Variants in NBPF9 observed in about 807,000 individuals in gnomAD.
NBPF9 encodes the protein NBPF family member NBPF9.
Under a neutral mutation model 97.8 loss-of-function variants are expected in NBPF9, and 91 were observed. The ratio of observed to expected loss-of-function variants is 0.93; its 90% confidence interval spans 0.79 to 1.11. NBPF9 has a LOEUF of 1.11. NBPF9 is among the 50% of genes least tolerant of loss of function. NBPF9 has a pLI of 0.00. For synonymous variants in NBPF9, 334 were observed against 359.5 expected (o/e 0.93, Z 0.80); for missense variants, 992 against 939.5 (o/e 1.06, Z -0.73).
exon 1 of NBPF9, chr1:149,103,426 G>C (rs1412248090): frequency 6.6e-6 from 1 of 152,326 alleles, no homozygotes; most frequent in Non-Finnish European, 1.5e-5. Context: ...AAAGCACCGC[G>C]TTCACTCAGA....
chr1:149,075,971 G>A (rs2079831882), intron 11 of NBPF9, 107 bp from the exon 12 acceptor site: 1 of 1,042,704 alleles, frequency 9.6e-7, no homozygotes, highest in Non-Finnish European at 1.5e-6. Context: ...CTTATTTGAA[G>A]ATGTTGTTTC....
chr1:149,052,207 A>G (rs1208273259), downstream of NBPF9, among the ~76,000 whole-genome samples: 2 of 151,676 alleles, frequency 1.3e-5, no homozygotes, highest in Non-Finnish European at 2.9e-5. Flanking sequence ...GTTCTTTATT[A>G]TCAATAAACA....
chr1:149,074,662 C>A (rs181129518), intron 12 of NBPF9, among the ~76,000 whole-genome samples: 1 of 151,102 alleles, frequency 6.6e-6, no homozygotes, highest in Non-Finnish European at 1.5e-5. Flanking sequence ...GCCCACGGTC[C>A]CTGCTCTGTA....
intron 5 of NBPF9, among the ~76,000 whole-genome samples, chr1:149,087,762 T>A (rs2081127326): frequency 1.3e-5 from 2 of 151,176 alleles, no homozygotes; most frequent in African/African-American, 4.9e-5. Flanking sequence ...AGTTCTTTCA[T>A]AATTTCCCAA....
Position 149,076,102 on chromosome 1 carries a change from A to G in NBPF9, c.779-238T>C, listed in dbSNP as rs375687963. 4.9e-3 allele frequency among the ~76,000 whole-genome samples: 744 copies of G among 152,194 alleles called. 3 individuals carry two copies. In the East Asian group the frequency reaches 0.057, roughly 12 times the overall value. ...ACACTTTTCTTGCTTATACGTTTCT[A>G]TAAAGCAAGGCTTGGCCCTGAGATT... On this transcript the variant is annotated intron_variant, in intron 11 of 29. Coordinates refer to ENST00000584027, the Ensembl canonical transcript of NBPF9.
chr1:149,069,936 A>C (rs1303872140), intron 16 of NBPF9, among the ~76,000 whole-genome samples: 3 of 130,576 alleles, frequency 2.3e-5, no homozygotes, highest in East Asian at 2.3e-4. Flanking sequence ...AAAATTGGTC[A>C]AACAATTTTC....
In NBPF9 at chr1:149,061,858, G is replaced by A. The variant is rs781803424; in HGVS notation, c.2251+235C>T. 4,449 of 380,748 alleles carry A rather than the reference G, an allele frequency of 0.012. 1,069 individuals carry two copies. In the African/African-American group the frequency reaches 0.14, roughly 12 times the overall value. The allele number at this position is 380,748 out of a possible 1,614,324, so 23.6% of individuals were successfully genotyped here. ...TGCCTGGGTCCAATGTGCTGAGAGCGGGCTCAGGTTGCCACAGGCATGGCT... is the reference window on the plus strand; with the variant it reads ...TGCCTGGGTCCAATGTGCTGAGAGCAGGCTCAGGTTGCCACAGGCATGGCT... On this transcript the variant is annotated intron_variant, in intron 22 of 29. Transcript: ENST00000584027.
chr1:149,075,621 A>G, intron 12 of NBPF9, 34 bp downstream of exon 12: 2 of 1,594,678 alleles, frequency 1.3e-6, no homozygotes, highest in Non-Finnish European at 1.7e-6. Context: ...GACGTCGTTC[A>G]TCACTTTCGT....
intron 5 of NBPF9, among the ~76,000 whole-genome samples, chr1:149,083,881 AC>A (rs2080744363): frequency 1.4e-5 from 2 of 146,546 alleles, no homozygotes; most frequent in Non-Finnish European, 3.0e-5. Context: ...TTTTTCCTTT[AC>A]AAGGTTTCTA....
At chr1:149,060,825 A>C (rs2078541371) in intron 23 of NBPF9, 130 bp from the exon 24 acceptor site, 2 of 406,596 alleles carry the variant, frequency 4.9e-6, no homozygotes, top group Non-Finnish European at 8.4e-6. Flanking sequence ...ATGAGGTAAC[A>C]AATTATTGCC....
chr1:149,090,806 A>G (rs2081363786), exon 5 of NBPF9: 2 of 569,540 alleles, frequency 3.5e-6, no homozygotes, highest in African/African-American at 4.1e-5. Context: ...CTTGGCATTA[A>G]CTTTGGATTC....
At chr1:149,069,124 T>C (rs1390521183) in intron 17 of NBPF9, among the ~76,000 whole-genome samples, 2 of 151,870 alleles carry the variant, frequency 1.3e-5, no homozygotes, top group Non-Finnish European at 2.9e-5. Context: ...TTTAAAGCAA[T>C]GTGTAGAGGG....
At chr1:149,077,640 T>C (rs28648369) in intron 10 of NBPF9, among the ~76,000 whole-genome samples, 12,101 of 93,962 alleles carry the variant, frequency 0.13, no homozygotes, top group East Asian at 0.27. Flanking sequence ...TTCAGTGCAC[T>C]GGACAGATAG....
chr1:149,075,142 G>C (rs1454955089), intron 12 of NBPF9, among the ~76,000 whole-genome samples: 12 of 151,506 alleles, frequency 7.9e-5, no homozygotes, highest in Non-Finnish European at 1.8e-4. Context: ...GTCATTTATA[G>C]ACAGCACAGG....
chr1:149,072,301 G>T (rs1424674370), intron 14 of NBPF9, among the ~76,000 whole-genome samples: 1 of 146,594 alleles, frequency 6.8e-6, no homozygotes, highest in Non-Finnish European at 1.5e-5. Flanking sequence ...GAGACAATTT[G>T]TCTGCCACGG....
intron 3 of NBPF9, among the ~76,000 whole-genome samples, chr1:149,099,860 T>C (rs2082032569): frequency 6.6e-6 from 1 of 150,712 alleles, no homozygotes; most frequent in Admixed American, 6.6e-5. Context: ...TGCATGCCTG[T>C]AGACCCAGCT....
chr1:149,070,831 A>G lies in NBPF9; in HGVS notation c.1585+103T>C, dbSNP rs1482575048. ...CCTGATATCTGTTTAGAAACCCATC[A>G]CAGTTTTTTATTCAAATGAATTTGT... On this transcript the variant is annotated intron_variant, in intron 16 of 29. Coordinates refer to ENST00000584027, the Ensembl canonical transcript of NBPF9. The G allele has an allele frequency of 4.9e-6, 7 of 1,429,222 alleles. 1 individual carries two copies. Among genetic ancestry groups the G allele is most frequent in the African/African-American group, 1.4e-5 (1 of 70,818 alleles). 88.5% of individuals were successfully genotyped at this position (1,429,222 alleles called of 1,614,324 possible). A position where few individuals can be genotyped will look rare whatever the true frequency, so the allele number is the denominator to read the frequency against.
intron 11 of NBPF9, among the ~76,000 whole-genome samples, chr1:149,076,410 T>A (rs1210975088): frequency 6.6e-6 from 1 of 151,180 alleles, no homozygotes; most frequent in Non-Finnish European, 1.5e-5. Flanking sequence ...TTGGACAGGC[T>A]GGTTTCGAAC....
In NBPF9 at chr1:149,062,740, T is replaced by A. The variant is rs587646778; in HGVS notation, c.2078+122A>T. On this transcript the variant is annotated intron_variant, in intron 21 of 29. Transcript: ENST00000584027. ...CTACTGCAATGAAAACCAACAGCAA[T>A]GGCAGTAGGAGTAATTCAACCTCCG... 247 of 766,570 alleles carry A rather than the reference T, an allele frequency of 3.2e-4. 1 individual carries two copies. The African/African-American group carries it at 3.5e-3, about 11-fold the overall frequency. 47.5% of individuals were successfully genotyped at this position (766,570 alleles called of 1,614,324 possible). A position where few individuals can be genotyped will look rare whatever the true frequency, so the allele number is the denominator to read the frequency against.
Sources: allele counts gnomAD v4.1 joint callset (sites outside exome capture counted in the v4.1 genomes callset), GRCh38; gene constraint gnomAD v4.1.1; transcripts MANE v1.5; gene names NCBI Gene and HGNC (gene_info 2026-07-23, HGNC 2026-07-21).